Variants in WDHD1 observed in about 807,000 individuals in gnomAD.
WDHD1 encodes WD repeat and HMG-box DNA binding protein 1.
A neutral mutation model predicts 135.4 loss-of-function variants in WDHD1; 111 were observed. That is an observed-to-expected ratio of 0.82 (90% CI 0.70 to 0.96). The LOEUF is 0.96. WDHD1 is among the 40% of genes least tolerant of loss of function. The pLI is 0.00. For synonymous variants in WDHD1, 434 were observed against 439.0 expected (o/e 0.99, Z 0.14); for missense variants, 1,351 against 1,336.3 (o/e 1.01, Z -0.17).
chr14:54,959,593 T>C (rs1229264316), intron 21 of WDHD1, among the ~76,000 whole-genome samples: 2 of 151,982 alleles, frequency 1.3e-5, no homozygotes, highest in African/African-American at 2.4e-5. Flanking sequence ...CAAGCTCCTC[T>C]CTCTACAAAA....
intron 15 of WDHD1, among the ~76,000 whole-genome samples, chr14:54,982,806 C>T (rs2041639259): frequency 6.6e-6 from 1 of 152,086 alleles, no homozygotes; most frequent in South Asian, 2.1e-4. Flanking sequence ...AAATGAAGAA[C>T]ATGAATCTCC....
chr14:55,021,759 A>C (rs1177323753), intron 2 of WDHD1, among the ~76,000 whole-genome samples: 2 of 151,916 alleles, frequency 1.3e-5, no homozygotes, highest in Non-Finnish European at 2.9e-5. Flanking sequence ...TTTTTGCCAT[A>C]CCCACAATCT....
intron 12 of WDHD1, among the ~76,000 whole-genome samples, chr14:54,990,428 T>C (rs1412629292): frequency 6.6e-6 from 1 of 152,016 alleles, no homozygotes; most frequent in African/African-American, 2.4e-5. Flanking sequence ...AAATCCCATC[T>C]CTACTAAAAA....
intron 17 of WDHD1, among the ~76,000 whole-genome samples, 164 bp from the exon 18 acceptor site, chr14:54,966,770 A>G (rs1001050651): frequency 6.6e-6 from 1 of 152,230 alleles, no homozygotes; most frequent in Admixed American, 6.5e-5. Flanking sequence ...ACTACAGCTT[A>G]ACTTTTTCCC....
At chr14:54,970,452 C>T (rs534157919) in intron 16 of WDHD1, among the ~76,000 whole-genome samples, 2 of 151,754 alleles carry the variant, frequency 1.3e-5, no homozygotes, top group African/African-American at 4.8e-5. Flanking sequence ...TATATCTAAC[C>T]AAGGAGGTGA....
intron 16 of WDHD1, among the ~76,000 whole-genome samples, chr14:54,980,821 A>AAAAAAAC (rs1566724218): frequency 6.7e-6 from 1 of 148,624 alleles, no homozygotes. Context: ...AAAAAAAAAA[A>AAAAAAAC]AAAACTCAGC....
In WDHD1 at chr14:54,944,432, C is replaced by T. The variant is rs376509974; in HGVS notation, c.3089G>A (p.Arg1030Lys). ...TGFQMWLEEN[R>K]SNILSDNPDF... ...AGGATTGTCAGACAAAATATTACTT[C>T]TATTTTCTTCTAACCACATCTGGAA... The change falls in exon 25 of 26, where the codon AGA becomes AAA. Residue 1030 changes from arginine to lysine, a missense_variant. By Grantham distance (26) the Arg-to-Lys change is conservative. Coordinates refer to ENST00000360586, the MANE Select transcript of WDHD1 (RefSeq NM_007086.4). 3.7e-6 allele frequency: 6 copies of T among 1,606,030 alleles called. No individual in the cohort carries two copies. The African/African-American group carries it at 8.1e-5, about 22-fold the overall frequency.
At chr14:54,995,912 C>T in intron 10 of WDHD1, 99 bp from the exon 11 acceptor site, 1 of 887,774 alleles carries the variant, frequency 1.1e-6, no homozygotes, top group African/African-American at 1.7e-5. Context: ...ATAAATTCTA[C>T]CAAGCAGCAA....
chr14:54,995,010 T>G (rs2041854009), intron 11 of WDHD1, among the ~76,000 whole-genome samples: 1 of 152,230 alleles, frequency 6.6e-6, no homozygotes, highest in South Asian at 2.1e-4. Flanking sequence ...AGATGGAGTC[T>G]TGCTCTGTTG....
intron 16 of WDHD1, among the ~76,000 whole-genome samples, chr14:54,975,866 G>A (rs1338970576): frequency 6.6e-6 from 1 of 152,060 alleles, no homozygotes; most frequent in Non-Finnish European, 1.5e-5. Context: ...TTCACAAAAT[G>A]TACTTTCTTT....
intron 21 of WDHD1, among the ~76,000 whole-genome samples, chr14:54,960,530 C>G (rs1273975145): frequency 6.6e-6 from 1 of 151,558 alleles, no homozygotes; most frequent in Non-Finnish European, 1.5e-5. Context: ...GATGAAGTCT[C>G]ACTCTGTCAC....
chr14:54,939,065 G>C lies in WDHD1; in HGVS notation c.*2425C>G, dbSNP rs1480905417. 1 of 152,124 alleles carries C rather than the reference G, an allele frequency of 6.6e-6. No individual in the cohort carries two copies. The highest frequency in any genetic ancestry group is 1.5e-5 in the Non-Finnish European group (1 of 68,036). The allele number at this position is 152,124 out of a possible 1,614,324, so 9.4% of individuals were successfully genotyped here. A position where few individuals can be genotyped will look rare whatever the true frequency, so the allele number is the denominator to read the frequency against. ...GTCTATAAAGCATACATGATAAAAT[G>C]TCAACAATAAGACAAACTAGAGGAA... On this transcript the variant is annotated 3_prime_UTR_variant, in exon 26 of 26. Transcript: ENST00000360586.
chr14:55,006,323 A>G (rs914574208), intron 7 of WDHD1, among the ~76,000 whole-genome samples: 1 of 152,202 alleles, frequency 6.6e-6, no homozygotes, highest in Admixed American at 6.5e-5. Flanking sequence ...TTCTTTATAT[A>G]GATCTTTCAC....
intron 7 of WDHD1, chr14:55,005,208 T>C (rs2042045084): frequency 9.3e-6 from 5 of 540,498 alleles, no homozygotes; most frequent in Non-Finnish European, 1.8e-5. Context: ...TTGCATGGGA[T>C]GGTAGTGTCC....
At chr14:54,989,588 T>C (rs10220439) in intron 12 of WDHD1, among the ~76,000 whole-genome samples, 9 of 152,090 alleles carry the variant, frequency 5.9e-5, no homozygotes, top group African/African-American at 1.9e-4. Context: ...CTTACAAATA[T>C]GGATGCAAAT....
chr14:54,988,958 G>T, intron 13 of WDHD1, 70 bp downstream of exon 13: 1 of 1,365,646 alleles, frequency 7.3e-7, no homozygotes, highest in Non-Finnish European at 9.9e-7. Flanking sequence ...TTAACTTTTT[G>T]TCTTTAATTT....
At chr14:54,997,250 C>G (rs1013588526) in intron 10 of WDHD1, among the ~76,000 whole-genome samples, 1 of 151,942 alleles carries the variant, frequency 6.6e-6, no homozygotes, top group Non-Finnish European at 1.5e-5. Flanking sequence ...CCTACACAAC[C>G]ACACCTGGCT....
In WDHD1 at chr14:55,000,626, A is replaced by T. The variant is rs140877260; in HGVS notation, c.819T>A (p.Gly273=). Residue 273 remains glycine (G), a synonymous_variant, in exon 10 of 26, where the codon GGT becomes GGA. Coordinates refer to ENST00000360586, the MANE Select transcript of WDHD1 (RefSeq NM_007086.4). The stretch of plus-strand genomic sequence containing the variant: ...GCCATGCCAGACCACAAATTGCATA[A>T]CCTTTCTCATGTTTCACCCTAAAAA... The part of the protein sequence containing the change: ...DCMERVKHEK[G]YAICGLAWHP... 345 of 1,580,238 alleles carry T rather than the reference A, an allele frequency of 2.2e-4. 3 individuals are homozygous for T. In the Middle Eastern group the frequency reaches 0.01, roughly 48 times the overall value.
intron 9 of WDHD1, 34 bp from the exon 10 acceptor site, chr14:55,000,678 T>G: frequency 1.4e-6 from 2 of 1,470,676 alleles, no homozygotes; most frequent in Non-Finnish European, 1.8e-6. Context: ...AAAAATACTG[T>G]CAAGAAAAAT....
Sources: gnomAD v4.1 joint callset for allele counts (sites outside exome capture counted in the v4.1 genomes callset) on GRCh38, gnomAD v4.1.1 for gene constraint, MANE v1.5 for transcripts, NCBI Gene and HGNC (gene_info 2026-07-23, HGNC 2026-07-21) for gene names.